The following STK40 variants were observed in gnomAD, a reference collection of about 807,000 sequenced individuals.
STK40 encodes serine/threonine-protein kinase 40.
In STK40, 13 loss-of-function variants were observed where a neutral mutation model predicts 47.9. That is an observed-to-expected ratio of 0.27 (90% CI 0.18 to 0.43). The LOEUF (loss-of-function observed/expected upper bound fraction) is 0.43, where lower values mean the gene tolerates loss of function less well. STK40 is among the 20% of genes least tolerant of loss of function. The pLI, the probability that STK40 is intolerant of heterozygous loss-of-function variation, is 1.00. For synonymous variants in STK40, 225 were observed against 243.2 expected (o/e 0.93, Z 0.69); for missense variants, 460 against 595.1 (o/e 0.77, Z 2.36).
intron 1 of STK40, among the ~76,000 whole-genome samples, chr1:36,369,377 C>T (rs983832777): frequency 6.6e-6 from 1 of 152,124 alleles, no homozygotes; most frequent in Non-Finnish European, 1.5e-5. Flanking sequence ...GCTGCCGTCT[C>T]TCTGCCTGCT....
chr1:36,356,873 T>C (rs184791557), intron 4 of STK40, among the ~76,000 whole-genome samples: 22 of 152,280 alleles, frequency 1.4e-4, no homozygotes, highest in Admixed American at 6.5e-4. Flanking sequence ...CTTCTGAAGA[T>C]ATCACAGACA....
At chr1:36,356,106 G>A (rs1335059846) in intron 4 of STK40, among the ~76,000 whole-genome samples, 1 of 152,082 alleles carries the variant, frequency 6.6e-6, no homozygotes, top group Non-Finnish European at 1.5e-5. Context: ...GTTCCTCATC[G>A]GTAAAAGGGA....
At chr1:36,369,055 C>T (rs1646923984) in intron 1 of STK40, among the ~76,000 whole-genome samples, 2 of 152,310 alleles carry the variant, frequency 1.3e-5, no homozygotes, top group South Asian at 4.1e-4. Context: ...CCCACAGTGG[C>T]AGAACTTGCA....
intron 2 of STK40, among the ~76,000 whole-genome samples, chr1:36,359,471 G>A (rs1646833405): frequency 6.6e-6 from 1 of 152,200 alleles, no homozygotes; most frequent in Non-Finnish European, 1.5e-5. Flanking sequence ...TGAGGATCCA[G>A]GAAACTAGAG....
intron 7 of STK40, among the ~76,000 whole-genome samples, chr1:36,345,836 T>G (rs1646694247): frequency 6.6e-6 from 1 of 151,106 alleles, no homozygotes; most frequent in Admixed American, 6.6e-5. Context: ...GAATGGCCCC[T>G]CCCCAGACAA....
At chr1:36,352,993 G>A (rs1027544867) in intron 6 of STK40, among the ~76,000 whole-genome samples, 3 of 152,216 alleles carry the variant, frequency 2.0e-5, no homozygotes, top group Non-Finnish European at 2.9e-5. Flanking sequence ...CCCATCAGTT[G>A]AGATGGGGCA....
chr1:36,372,123 G>C (rs1646953562), intron 1 of STK40, among the ~76,000 whole-genome samples: 2 of 152,134 alleles, frequency 1.3e-5, no homozygotes, highest in Non-Finnish European at 2.9e-5. Context: ...CGGATGTGGA[G>C]GGCTGGTACA....
intron 3 of STK40, 127 bp from the exon 4 acceptor site, chr1:36,358,509 A>C: frequency 7.5e-7 from 1 of 1,330,980 alleles, no homozygotes; most frequent in Non-Finnish European, 1.0e-6. Context: ...ACACAAACAC[A>C]CCAAGTGAAA....
At chr1:36,344,977 G>C (rs1297459838) in intron 7 of STK40, among the ~76,000 whole-genome samples, 3 of 152,226 alleles carry the variant, frequency 2.0e-5, no homozygotes, top group Non-Finnish European at 4.4e-5. Flanking sequence ...CCAGTGATCT[G>C]CTCTGTCCAG....
At chr1:36,367,482 C>A (rs1197036720) in intron 1 of STK40, among the ~76,000 whole-genome samples, 1 of 152,172 alleles carries the variant, frequency 6.6e-6, no homozygotes, top group Non-Finnish European at 1.5e-5. Flanking sequence ...AGCTACCAGG[C>A]AACGTGAGCC....
chr1:36,344,491 C>A (rs145295066), intron 7 of STK40, among the ~76,000 whole-genome samples: 9 of 152,354 alleles, frequency 5.9e-5, no homozygotes, highest in Admixed American at 3.3e-4. Flanking sequence ...CTGCCCCGCC[C>A]GGCCAGATGG....
intron 1 of STK40, among the ~76,000 whole-genome samples, chr1:36,384,962 C>G (rs986822074): frequency 2.0e-5 from 3 of 152,236 alleles, no homozygotes; most frequent in Admixed American, 2.0e-4. Context: ...TGACTTAAAA[C>G]AGAGCAAAGT....
chr1:36,383,640 C>G (rs1458839026), intron 1 of STK40, among the ~76,000 whole-genome samples: 1 of 152,186 alleles, frequency 6.6e-6, no homozygotes, highest in African/African-American at 2.4e-5. Flanking sequence ...AATATGTAAC[C>G]AATCATGTCA....
At chr1:36,357,628 C>G (rs1175923263) in intron 4 of STK40, among the ~76,000 whole-genome samples, 1 of 152,026 alleles carries the variant, frequency 6.6e-6, no homozygotes, top group African/African-American at 2.4e-5. Flanking sequence ...GACAAGGGGG[C>G]CCTTTTGAGA....
At chr1:36,351,979 T>C (rs1319004929) in intron 6 of STK40, among the ~76,000 whole-genome samples, 1 of 152,198 alleles carries the variant, frequency 6.6e-6, no homozygotes, top group Non-Finnish European at 1.5e-5. Context: ...TGCTCTCTCT[T>C]TGTGAACAGT....
chr1:36,382,831 C>T lies in STK40; in HGVS notation c.-9+2892G>A, dbSNP rs189028690. Reference sequence around the variant, plus strand: ...CTTACTCCTCACAACTGCCCTATTACGAAGGTACTCTTATTGTCCCCATTT... The same window carrying T: ...CTTACTCCTCACAACTGCCCTATTATGAAGGTACTCTTATTGTCCCCATTT... On this transcript the variant is annotated intron_variant, in intron 1 of 10. Transcript: ENST00000373132. 4.3e-3 allele frequency among the ~76,000 whole-genome samples: 660 copies of T among 152,286 alleles called. 1 individual carries two copies. Among genetic ancestry groups the T allele is most frequent in the Non-Finnish European group, 7.8e-3 (533 of 68,030 alleles).
intron 1 of STK40, among the ~76,000 whole-genome samples, chr1:36,384,448 C>T (rs534725123): frequency 6.6e-6 from 1 of 152,202 alleles, no homozygotes; most frequent in Non-Finnish European, 1.5e-5. Flanking sequence ...TATTACGTGG[C>T]AAACATGGTT....
chr1:36,354,581 C>T (rs901896829), intron 5 of STK40, among the ~76,000 whole-genome samples, 165 bp from the exon 6 acceptor site: 4 of 152,254 alleles, frequency 2.6e-5, no homozygotes, highest in South Asian at 2.1e-4. Flanking sequence ...TCTAAGTTCG[C>T]GTGACCTGCG....
intron 4 of STK40, among the ~76,000 whole-genome samples, chr1:36,355,979 C>T (rs1054517899): frequency 3.3e-5 from 5 of 152,092 alleles, no homozygotes; most frequent in Non-Finnish European, 7.4e-5. Flanking sequence ...GCAGTACTCC[C>T]GACAGTCACA....
Sources: allele counts gnomAD v4.1 joint callset (sites outside exome capture counted in the v4.1 genomes callset), GRCh38; gene constraint gnomAD v4.1.1; transcripts MANE v1.5; gene names NCBI Gene and HGNC (gene_info 2026-07-23, HGNC 2026-07-21).